Variants in ENO4 observed in about 807,000 individuals in gnomAD.
ENO4 encodes 2-phospho-D-glycerate hydro-lyase.
ENO4 carries 53 observed loss-of-function variants against 63.2 expected under a neutral mutation model. The observed-to-expected ratio is 0.84, with a 90% CI of 0.67 to 1.05. The LOEUF (loss-of-function observed/expected upper bound fraction) is 1.05, where lower values mean the gene tolerates loss of function less well. Ranked by LOEUF, ENO4 falls within the 50% of genes least tolerant of loss-of-function variation. The probability of loss-of-function intolerance (pLI) is 0.00; values close to 1 mark genes in which losing one functional copy is unlikely to be tolerated. For missense variants in ENO4, 719 were observed against 772.0 expected (o/e 0.93, Z 0.81); for synonymous variants, 266 against 283.8 (o/e 0.94, Z 0.63).
chr10:116,899,594 G>A (rs913096299), intron 10 of ENO4, among the ~76,000 whole-genome samples: 1 of 151,272 alleles, frequency 6.6e-6, no homozygotes, highest in Non-Finnish European at 1.5e-5. Flanking sequence ...TCTGTATTTA[G>A]AGCCGACTGT....
intron 1 of ENO4, among the ~76,000 whole-genome samples, chr10:116,854,940 C>CAAAAAAAA (rs71013620): frequency 2.0e-3 from 81 of 41,486 alleles, no homozygotes; most frequent in Non-Finnish European, 2.1e-3. Context: ...GACCCTGTCT[C>CAAAAAAAA]AAAAAAAAAA....
At chr10:116,853,424 T>C (rs2133242917) in intron 1 of ENO4, among the ~76,000 whole-genome samples, 1 of 152,098 alleles carries the variant, frequency 6.6e-6, no homozygotes, top group Admixed American at 6.6e-5. Flanking sequence ...GCTTAGAGAG[T>C]TGAATGTAAT....
At chr10:116,905,643 A>AT (rs1847939224) in intron 10 of ENO4, among the ~76,000 whole-genome samples, 1 of 152,174 alleles carries the variant, frequency 6.6e-6, no homozygotes, top group East Asian at 1.9e-4. Flanking sequence ...CATCTTTAAT[A>AT]TTCTTGCTAC....
chr10:116,854,116 C>T (rs922706199), intron 1 of ENO4, among the ~76,000 whole-genome samples: 3 of 152,170 alleles, frequency 2.0e-5, no homozygotes, highest in African/African-American at 7.2e-5. Context: ...CAAATGGCTT[C>T]TGCTTTTCCA....
chr10:116,873,801 C>T (rs976556150), intron 9 of ENO4: 68 of 888,246 alleles, frequency 7.7e-5, no homozygotes, highest in Non-Finnish European at 8.9e-5. Flanking sequence ...TCCCCTCCTA[C>T]TCTGTAATTC....
chr10:116,863,999 A>G (rs1293811849), intron 7 of ENO4, among the ~76,000 whole-genome samples: 1 of 152,166 alleles, frequency 6.6e-6, no homozygotes, highest in Non-Finnish European at 1.5e-5. Flanking sequence ...CCTCATCTAT[A>G]AAATGGAGAT....
At chr10:116,893,600 G>C (rs1847415704) in intron 10 of ENO4, among the ~76,000 whole-genome samples, 2 of 998 alleles carry the variant, frequency 2.0e-3, no homozygotes, top group African/African-American at 5.4e-3. Flanking sequence ...ACACACACGA[G>C]AAAGAAAGCG....
At chr10:116,876,332 T>C in intron 11 of ENO4, 72 bp downstream of exon 11, 1 of 1,160,422 alleles carries the variant, frequency 8.6e-7, no homozygotes, top group Non-Finnish European at 1.2e-6. Context: ...ACACAGCATA[T>C]CAAAGTTACT....
intron 10 of ENO4, chr10:116,906,580 G>A (rs1847979806): frequency 6.5e-7 from 1 of 1,535,780 alleles, no homozygotes; most frequent in African/African-American, 1.4e-5. Context: ...AGAAGAAGAT[G>A]TTTCAGAGAT....
chr10:116,863,856 G>A (rs1253359695), intron 7 of ENO4, among the ~76,000 whole-genome samples: 1 of 152,156 alleles, frequency 6.6e-6, no homozygotes, highest in African/African-American at 2.4e-5. Context: ...CTTTTCAGGA[G>A]GCCAGCTTCT....
chr10:116,861,237 ATAT>A (rs1254329734), intron 6 of ENO4, 47 bp downstream of exon 6: 277 of 218,340 alleles, frequency 1.3e-3, no homozygotes, highest in African/African-American at 5.6e-3. Context: ...AAAAAAAAAA[ATAT>A]ATATATATAT....
At chr10:116,872,116 G>C (rs777377383) in intron 9 of ENO4, among the ~76,000 whole-genome samples, 23 of 152,184 alleles carry the variant, frequency 1.5e-4, no homozygotes, top group Admixed American at 6.5e-5. Flanking sequence ...AGAATCGCTT[G>C]AACCCAGGAG....
chr10:116,899,650 C>T (rs931983233), intron 10 of ENO4, among the ~76,000 whole-genome samples: 2 of 152,066 alleles, frequency 1.3e-5, no homozygotes, highest in African/African-American at 2.4e-5. Context: ...GAGCCAATAG[C>T]GCCACTCACG....
At chr10:116,859,501 C>T (rs1489865206) in intron 4 of ENO4, among the ~76,000 whole-genome samples, 1 of 152,140 alleles carries the variant, frequency 6.6e-6, no homozygotes, top group Non-Finnish European at 1.5e-5. Context: ...AGTTTTGATT[C>T]CTTTGATATG....
At chr10:116,877,450 G>T (rs1489067989) in intron 11 of ENO4, among the ~76,000 whole-genome samples, 1 of 152,156 alleles carries the variant, frequency 6.6e-6, no homozygotes, top group East Asian at 1.9e-4. Context: ...TTTGGAACCA[G>T]ATCATCCACT....
intron 10 of ENO4, chr10:116,900,772 A>C: frequency 1.0e-6 from 1 of 985,006 alleles, no homozygotes; most frequent in Non-Finnish European, 1.2e-6. Flanking sequence ...AAGGAAACAC[A>C]TGACTACAGG....
downstream of ENO4, chr10:116,884,575 A>G (rs561799685): frequency 1.2e-5 from 3 of 245,838 alleles, no homozygotes; most frequent in South Asian, 1.4e-4. Flanking sequence ...GACAGTGTAC[A>G]TATTTTTATA....
chr10:116,900,715 T>C (rs1302190272), intron 10 of ENO4: 2 of 984,368 alleles, frequency 2.0e-6, no homozygotes, highest in Admixed American at 6.1e-5. Flanking sequence ...AGAATGAATA[T>C]AGATCATCTT....
chr10:116,870,323 A>G (rs1034040465), intron 8 of ENO4, among the ~76,000 whole-genome samples: 1 of 152,188 alleles, frequency 6.6e-6, no homozygotes, highest in Non-Finnish European at 1.5e-5. Flanking sequence ...TCCTGAAATC[A>G]TCTTCCACTA....
Sources: gnomAD v4.1 joint callset for allele counts (sites outside exome capture counted in the v4.1 genomes callset) on GRCh38, gnomAD v4.1.1 for gene constraint, MANE v1.5 for transcripts, NCBI Gene and HGNC (gene_info 2026-07-23, HGNC 2026-07-21) for gene names.